RRAGB: variants seen among roughly 807,000 people sequenced by gnomAD.
The protein encoded by RRAGB is Ras related GTP binding B.
RRAGB carries 6 observed loss-of-function variants against 29.3 expected under a neutral mutation model. That is an observed-to-expected ratio of 0.21 (90% CI 0.11 to 0.40). RRAGB has a LOEUF of 0.40. Among genes scored for constraint, RRAGB ranks in the 10% least tolerant of loss-of-function variants. RRAGB has a pLI of 1.00. For synonymous variants in RRAGB, 101 were observed against 92.5 expected (o/e 1.09, Z -0.53); for missense variants, 184 against 272.9 (o/e 0.67, Z 2.29).
intron 5 of RRAGB, among the ~76,000 whole-genome samples, chrX:55,748,564 C>T (rs184397173): frequency 0.026 from 2,901 of 111,112 alleles, 36 homozygotes; most frequent in Non-Finnish European, 0.039. Context: ...GCCGTGACCC[C>T]GTCGGGGAGG....
intron 4 of RRAGB, among the ~76,000 whole-genome samples, chrX:55,731,038 C>T (rs2033661210): frequency 9.0e-6 from 1 of 110,710 alleles, no homozygotes; most frequent in Non-Finnish European, 1.9e-5. Flanking sequence ...CCATGTGCCA[C>T]TTGAGGAATT....
chrX:55,718,090 T>C lies in RRAGB; in HGVS notation c.-238T>C. ...CTCTTACTTTGTACCACGGAATCAC[T>C]TGGCCTTAAAGCTAGCCAGCTCGGC... On this transcript the variant is annotated 5_prime_UTR_variant, in exon 1 of 10. Transcript: ENST00000374941. 3.5e-6 allele frequency: 1 copy of C among 283,705 alleles called. No homozygotes were observed. The highest frequency in any genetic ancestry group is 5.1e-5 in the East Asian group (1 of 19,737). 23.4% of individuals were successfully genotyped at this position (283,705 alleles called of 1,213,427 possible). A position where few individuals can be genotyped will look rare whatever the true frequency, so the allele number is the denominator to read the frequency against.
intron 3 of RRAGB, among the ~76,000 whole-genome samples, chrX:55,723,558 C>CT (rs1406321004): frequency 1.0e-4 from 11 of 104,789 alleles, no homozygotes; most frequent in Admixed American, 7.2e-4. Context: ...CCTCACAAAT[C>CT]TTTTTTTTTT....
chrX:55,757,062 G>T (rs1315986968), intron 8 of RRAGB, among the ~76,000 whole-genome samples, 154 bp from the exon 9 acceptor site: 6 of 112,109 alleles, frequency 5.4e-5, no homozygotes, highest in African/African-American at 1.9e-4. Flanking sequence ...GAGTTTCCTT[G>T]GAAAAAGTAG....
intron 3 of RRAGB, chrX:55,727,271 C>G: frequency 8.7e-7 from 1 of 1,152,631 alleles, no homozygotes; most frequent in Non-Finnish European, 1.2e-6. Context: ...ATTGTCTTTC[C>G]CTTTCTCAGT....
At chrX:55,737,695 C>T (rs2033913200) in intron 5 of RRAGB, among the ~76,000 whole-genome samples, 1 of 112,671 alleles carries the variant, frequency 8.9e-6, no homozygotes, top group Non-Finnish European at 1.9e-5. Context: ...TGTGGCAGTC[C>T]CTCAGGGCCA....
At chrX:55,735,845 T>C (rs924101660) in intron 5 of RRAGB, among the ~76,000 whole-genome samples, 2 of 112,486 alleles carry the variant, frequency 1.8e-5, no homozygotes, top group African/African-American at 6.5e-5. Flanking sequence ...TGGGAGAGAC[T>C]TCATTTCTCT....
At chrX:55,748,635 C>T (rs966829207) in intron 5 of RRAGB, among the ~76,000 whole-genome samples, 8 of 108,084 alleles carry the variant, frequency 7.4e-5, no homozygotes, top group African/African-American at 2.7e-4. Flanking sequence ...CGCCTGGCAA[C>T]CGCCCCGCCT....
chrX:55,751,304 G>T (rs947015887), intron 6 of RRAGB, 108 bp downstream of exon 6: 28 of 427,945 alleles, frequency 6.5e-5, no homozygotes, highest in African/African-American at 6.3e-4. Context: ...ATCTAGATTT[G>T]TTGTACTAAA....
chrX:55,747,863 C>CCTCTTTCCACGGTCTCCCTCTCCCT (rs2034304373), intron 5 of RRAGB, among the ~76,000 whole-genome samples: 2 of 93,484 alleles, frequency 2.1e-5, no homozygotes, highest in African/African-American at 3.4e-5. Flanking sequence ...TCTCCCTCTC[C>CCTCTTTCCACGGTCTCCCTCTCCCT]CTCTTTCCAC....
At chrX:55,733,002 A>T (rs1406091014) in intron 5 of RRAGB, among the ~76,000 whole-genome samples, 2 of 110,541 alleles carry the variant, frequency 1.8e-5, no homozygotes, top group South Asian at 7.6e-4. Context: ...TTATGGTTAT[A>T]TGTGGTTTTT....
intron 3 of RRAGB, among the ~76,000 whole-genome samples, chrX:55,727,690 G>A (rs1419254097): frequency 8.9e-6 from 1 of 112,008 alleles, no homozygotes; most frequent in Non-Finnish European, 1.9e-5. Context: ...TGCTTGTGAT[G>A]TAGTTTATAA....
At chrX:55,723,002 G>A (rs1441273555) in intron 3 of RRAGB, among the ~76,000 whole-genome samples, 1 of 110,923 alleles carries the variant, frequency 9.0e-6, no homozygotes, top group Non-Finnish European at 1.9e-5. Flanking sequence ...ATTTCCTGAA[G>A]TTTCAAGAAC....
intron 5 of RRAGB, among the ~76,000 whole-genome samples, chrX:55,748,209 G>A (rs915112347): frequency 3.6e-5 from 4 of 112,313 alleles, no homozygotes; most frequent in Non-Finnish European, 7.5e-5. Context: ...GCGTGATCTC[G>A]GCTTGCTACA....
intron 4 of RRAGB, 85 bp downstream of exon 4, chrX:55,729,445 G>A: frequency 1.8e-6 from 1 of 548,375 alleles, no homozygotes; most frequent in South Asian, 3.2e-5. Flanking sequence ...TACACCTAGA[G>A]TAACTATCAT....
intron 5 of RRAGB, among the ~76,000 whole-genome samples, chrX:55,744,332 G>C (rs1408125308): frequency 1.0e-5 from 1 of 98,704 alleles, no homozygotes; most frequent in East Asian, 3.3e-4. Flanking sequence ...GGAGGTGGAA[G>C]TTGCAGTGAG....
chrX:55,721,021 G>A (rs1055563628), intron 2 of RRAGB, among the ~76,000 whole-genome samples: 2 of 111,941 alleles, frequency 1.8e-5, no homozygotes, highest in Non-Finnish European at 3.8e-5. Context: ...CATCATTGAC[G>A]AGTGCTCTCT....
chrX:55,719,701 C>T (rs1160948154), intron 2 of RRAGB, among the ~76,000 whole-genome samples: 1 of 112,073 alleles, frequency 8.9e-6, no homozygotes, highest in Non-Finnish European at 1.9e-5. Context: ...AATTAATTTG[C>T]ACTTTGTGTA....
intron 5 of RRAGB, among the ~76,000 whole-genome samples, chrX:55,738,345 G>A (rs1286524902): frequency 1.8e-5 from 2 of 112,183 alleles, no homozygotes; most frequent in African/African-American, 6.5e-5. Flanking sequence ...CAGTGTCTTA[G>A]GCTCTGCTCT....
Sources: allele counts gnomAD v4.1 joint callset (sites outside exome capture counted in the v4.1 genomes callset), GRCh38; gene constraint gnomAD v4.1.1; transcripts MANE v1.5; gene names NCBI Gene and HGNC (gene_info 2026-07-23, HGNC 2026-07-21).